ERBB4: variants seen among roughly 807,000 people sequenced by gnomAD.
ERBB4 encodes the protein receptor tyrosine-protein kinase erbB-4.
Under a neutral mutation model 158.0 loss-of-function variants are expected in ERBB4, and 42 were observed. The ratio of observed to expected loss-of-function variants is 0.27; its 90% CI spans 0.21 to 0.34. The LOEUF is 0.34. Among genes scored for constraint, ERBB4 ranks in the 10% least tolerant of loss-of-function variants. The pLI is 1.00. For missense variants in ERBB4, 1,333 were observed against 1,624.1 expected (o/e 0.82, Z 3.08); for synonymous variants, 583 against 558.7 (o/e 1.04, Z -0.61).
chr2:211,783,275 C>A (rs1281647464), intron 4 of ERBB4, among the ~76,000 whole-genome samples: 1 of 152,294 alleles, frequency 6.6e-6, no homozygotes, highest in South Asian at 2.1e-4. Context: ...TGGGCTGAGA[C>A]AATGGGGTTT....
At chr2:212,044,854 T>G (rs756418935) in intron 2 of ERBB4, among the ~76,000 whole-genome samples, 5 of 152,142 alleles carry the variant, frequency 3.3e-5, no homozygotes, top group Non-Finnish European at 7.4e-5. Context: ...TTTCTTTCTT[T>G]TTTTTTCTTT....
At chr2:212,126,142 A>G (rs115000968) in intron 1 of ERBB4, among the ~76,000 whole-genome samples, 2,096 of 152,276 alleles carry the variant, frequency 0.014, 35 homozygotes, top group African/African-American at 0.046. Context: ...ATGTGAGCAC[A>G]CAAGTTTACA....
chr2:211,864,836 C>A (rs1418179948), intron 3 of ERBB4, among the ~76,000 whole-genome samples: 3 of 151,870 alleles, frequency 2.0e-5, no homozygotes, highest in African/African-American at 7.3e-5. Context: ...TGTGGTGGCA[C>A]CCTGTCTCTA....
intron 1 of ERBB4, among the ~76,000 whole-genome samples, chr2:212,296,941 C>T (rs2106196245): frequency 6.6e-6 from 1 of 152,006 alleles, no homozygotes; most frequent in Non-Finnish European, 1.5e-5. Context: ...ACTGGTCAGC[C>T]TGAAGGGTGG....
At chr2:211,716,354 C>T (rs557881309) in intron 7 of ERBB4, among the ~76,000 whole-genome samples, 260 of 85,304 alleles carry the variant, frequency 3.0e-3, no homozygotes, top group African/African-American at 0.014. Flanking sequence ...AACAGTGAAA[C>T]TCTGTCTCAA....
At chr2:211,714,747 A>G (rs2073837903) in intron 7 of ERBB4, among the ~76,000 whole-genome samples, 1 of 152,180 alleles carries the variant, frequency 6.6e-6, no homozygotes, top group Non-Finnish European at 1.5e-5. Flanking sequence ...TATCATGAAC[A>G]GGGTTTTGCT....
intron 2 of ERBB4, among the ~76,000 whole-genome samples, chr2:212,026,139 G>A (rs979901598): frequency 1.3e-5 from 2 of 151,372 alleles, no homozygotes; most frequent in African/African-American, 4.8e-5. Flanking sequence ...ATGAGGTCAC[G>A]GGAATTTTTT....
intron 1 of ERBB4, among the ~76,000 whole-genome samples, chr2:212,416,692 C>G (rs1365295583): frequency 6.6e-6 from 1 of 152,000 alleles, no homozygotes; most frequent in South Asian, 2.1e-4. Context: ...CAGTACATTA[C>G]TGACATATAT....
chr2:211,845,432 T>C (rs1167712113), intron 3 of ERBB4, among the ~76,000 whole-genome samples: 2 of 152,120 alleles, frequency 1.3e-5, no homozygotes, highest in African/African-American at 2.4e-5. Flanking sequence ...TATTCCCAGA[T>C]AGGAATGTTA....
At chr2:212,209,430 G>A (rs1373907970) in intron 1 of ERBB4, among the ~76,000 whole-genome samples, 3 of 151,998 alleles carry the variant, frequency 2.0e-5, no homozygotes. Context: ...TTCTACTACT[G>A]CAGTGAAAAT....
intron 3 of ERBB4, among the ~76,000 whole-genome samples, chr2:211,921,439 A>C (rs929300250): frequency 6.6e-6 from 1 of 152,076 alleles, no homozygotes; most frequent in African/African-American, 2.4e-5. Context: ...AACCAAAAAC[A>C]AAGCCAAAGA....
chr2:212,037,018 A>G (rs2077030768), intron 2 of ERBB4, among the ~76,000 whole-genome samples: 1 of 152,238 alleles, frequency 6.6e-6, no homozygotes, highest in African/African-American at 2.4e-5. Context: ...TAGGCGCTAC[A>G]GTAGAGAAAA....
chr2:211,846,562 G>A (rs1384622629), intron 3 of ERBB4, among the ~76,000 whole-genome samples: 1 of 152,082 alleles, frequency 6.6e-6, no homozygotes, highest in African/African-American at 2.4e-5. Flanking sequence ...GTTCAAACCA[G>A]TCTCTTCCTG....
At chr2:212,448,079 A>G (rs1420560261) in intron 1 of ERBB4, among the ~76,000 whole-genome samples, 1 of 152,090 alleles carries the variant, frequency 6.6e-6, no homozygotes, top group Admixed American at 6.5e-5. Context: ...CTTTTTCAAA[A>G]TATTCCATAA....
At chr2:212,020,821 G>T (rs973314496) in intron 2 of ERBB4, among the ~76,000 whole-genome samples, 2 of 152,012 alleles carry the variant, frequency 1.3e-5, no homozygotes, top group South Asian at 4.1e-4. Context: ...CTTCTTTCAA[G>T]TTTCCATTTT....
intron 20 of ERBB4, among the ~76,000 whole-genome samples, chr2:211,488,213 G>A (rs1475963203): frequency 6.6e-6 from 1 of 152,072 alleles, no homozygotes; most frequent in Non-Finnish European, 1.5e-5. Flanking sequence ...TCAACGGAAT[G>A]GCTGGACATA....
chr2:212,150,587 G>C (rs2080835941), intron 1 of ERBB4, among the ~76,000 whole-genome samples: 1 of 151,946 alleles, frequency 6.6e-6, no homozygotes, highest in African/African-American at 2.4e-5. Flanking sequence ...CTTCCCCCAA[G>C]ATGAGATAAT....
At chr2:211,771,714 G>T (rs944504386) in intron 4 of ERBB4, among the ~76,000 whole-genome samples, 2 of 152,190 alleles carry the variant, frequency 1.3e-5, no homozygotes, top group African/African-American at 4.8e-5. Context: ...TGCGAAGTGT[G>T]TGTGTATGTG....
chr2:212,008,891 A>T (rs1479434667), intron 2 of ERBB4, among the ~76,000 whole-genome samples: 3 of 152,128 alleles, frequency 2.0e-5, no homozygotes, highest in African/African-American at 7.2e-5. Flanking sequence ...AGCTGCTCTG[A>T]CTTAGAGAAC....
Sources: gnomAD v4.1 joint callset for allele counts (sites outside exome capture counted in the v4.1 genomes callset) on GRCh38, gnomAD v4.1.1 for gene constraint, MANE v1.5 for transcripts, NCBI Gene and HGNC (gene_info 2026-07-23, HGNC 2026-07-21) for gene names.